FMN2: variants seen among roughly 807,000 people sequenced by gnomAD.
FMN2 encodes the protein formin 2, also known as formin-2.
Under a neutral mutation model 142.3 loss-of-function variants are expected in FMN2, and 51 were observed. The observed-to-expected ratio is 0.36, with a 90% CI of 0.29 to 0.45. The LOEUF (loss-of-function observed/expected upper bound fraction) is 0.45, where lower values mean the gene tolerates loss of function less well. FMN2 is among the 20% of genes least tolerant of loss of function. The pLI, the probability that FMN2 is intolerant of heterozygous loss-of-function variation, is 1.00. For synonymous variants in FMN2, 882 were observed against 869.8 expected, an observed-to-expected ratio of 1.01 and a Z score of -0.25; for missense variants, 1,936 against 2,122.8, an observed-to-expected ratio of 0.91 and a Z score of 1.73.
Position 240,283,912 on chromosome 1 carries a change from G to A in FMN2, c.4154-10910G>A, listed in dbSNP as rs549304425. ...CATAGGAAACTGATCCGGTCAGTGAGATGTAAGTAGAAGTCTCCTAAAAAT... is the reference window on the plus strand; with the variant it reads ...CATAGGAAACTGATCCGGTCAGTGAAATGTAAGTAGAAGTCTCCTAAAAAT... On this transcript the variant is annotated intron_variant, in intron 7 of 17. Transcript: ENST00000319653. 1.9e-4 allele frequency among the ~76,000 whole-genome samples: 29 copies of A among 152,300 alleles called. 1 individual carries two copies. The South Asian group carries it at 5.8e-3, about 30-fold the overall frequency.
chr1:240,101,069 A>T (rs535050620), intron 1 of FMN2, among the ~76,000 whole-genome samples: 16 of 152,178 alleles, frequency 1.1e-4, no homozygotes, highest in Non-Finnish European at 1.8e-4. Flanking sequence ...TAGTGTCAGC[A>T]CTATGGGAAG....
chr1:240,447,820 C>T (rs1008652227), intron 16 of FMN2, among the ~76,000 whole-genome samples: 1 of 152,110 alleles, frequency 6.6e-6, no homozygotes, highest in Non-Finnish European at 1.5e-5. Flanking sequence ...TACGCATCTA[C>T]TCAAAAAAAG....
At chr1:240,275,123 A>G (rs6694611) in intron 7 of FMN2, among the ~76,000 whole-genome samples, 60,470 of 146,326 alleles carry the variant, frequency 0.41, 12,902 homozygotes, top group East Asian at 0.6. Context: ...AAGTTCTGGG[A>G]TACATGTGCA....
At chr1:240,364,802 C>T (rs1165926215) in intron 14 of FMN2, among the ~76,000 whole-genome samples, 1 of 152,122 alleles carries the variant, frequency 6.6e-6, no homozygotes, top group Non-Finnish European at 1.5e-5. Context: ...GTCGCAGACT[C>T]CCAATAAACA....
In FMN2 at chr1:240,409,811, A is replaced by G. The variant is rs573632335; in HGVS notation, c.4910+17249A>G. Among the ~76,000 whole-genome samples the G allele has an allele frequency of 5.2e-4, 79 of 152,332 alleles. No individual in the cohort carries two copies. In the South Asian group the frequency reaches 0.014, roughly 27 times the overall value. On this transcript the variant is annotated intron_variant, in intron 15 of 17. Coordinates refer to ENST00000319653, the MANE Select transcript of FMN2 (RefSeq NM_020066.5). ...TTGTCTTTATTGGTTTACTAAATCT[A>G]TAGTCAGCAAATATTACATGGAATC...
intron 16 of FMN2, among the ~76,000 whole-genome samples, chr1:240,442,976 A>G (rs1203936545): frequency 2.6e-5 from 4 of 152,254 alleles, no homozygotes; most frequent in Non-Finnish European, 5.9e-5. Flanking sequence ...ACTAAATGAC[A>G]TAACGTATTT....
Position 240,208,400 on chromosome 1 carries a change from T to C in FMN2, c.3588T>C (p.Pro1196=), listed in dbSNP as rs140228578. ...CCCCTCTACCTGGAGTGGGAATACC[T>C]CCTCCGCCCCCTCTACCTGGTGCTG... ...PPPPLPGVGI[P]PPPPLPGAGI... The change falls in exon 5 of 18, where the codon CCT becomes CCC. Residue 1196 remains proline, a synonymous_variant. Transcript: ENST00000319653. 8.1e-5 allele frequency: 124 copies of C among 1,534,786 alleles called. No individual in the cohort carries two copies. The highest frequency in any genetic ancestry group is 1.4e-4 in the African/African-American group (9 of 62,310).
intron 6 of FMN2, among the ~76,000 whole-genome samples, chr1:240,246,483 T>C (rs116699884): frequency 1.9e-3 from 293 of 152,286 alleles, no homozygotes; most frequent in African/African-American, 6.8e-3. Flanking sequence ...TTTAATCATT[T>C]TTCTAGGGGA....
chr1:240,191,595 GC>G (rs1665703238), intron 4 of FMN2, among the ~76,000 whole-genome samples: 1 of 152,108 alleles, frequency 6.6e-6, no homozygotes, highest in Admixed American at 6.5e-5. Flanking sequence ...TAAAATCTTT[GC>G]CATTTGAAAT....
At chr1:240,398,637 C>T (rs1253883882) in intron 15 of FMN2, among the ~76,000 whole-genome samples, 2 of 152,168 alleles carry the variant, frequency 1.3e-5, no homozygotes, top group African/African-American at 4.8e-5. Flanking sequence ...TCTCAGCAGT[C>T]CTATGTAACC....
chr1:240,323,538 G>A (rs1289211202), intron 8 of FMN2, among the ~76,000 whole-genome samples: 1 of 152,080 alleles, frequency 6.6e-6, no homozygotes, highest in African/African-American at 2.4e-5. Flanking sequence ...TCTTCAACCT[G>A]ACCTTCCTTA....
chr1:240,243,140 A>C (rs372583822), intron 6 of FMN2, among the ~76,000 whole-genome samples: 6 of 152,184 alleles, frequency 3.9e-5, no homozygotes, highest in East Asian at 3.9e-4. Flanking sequence ...GAAAAAAAAA[A>C]CCAAAAAACA....
chr1:240,253,787 G>A (rs1668359015), intron 6 of FMN2, among the ~76,000 whole-genome samples: 1 of 152,118 alleles, frequency 6.6e-6, no homozygotes, highest in Non-Finnish European at 1.5e-5. Context: ...CTGTGGTGTT[G>A]GTTTGATGTA....
rs185977357 is a variant in FMN2 at position 240,186,431 on chromosome 1, G to A, written c.1931-1776G>A. On this transcript the variant is annotated intron_variant, in intron 3 of 17. Transcript: ENST00000319653. ...AAATTCTTGCTTTCACAGAGTTTAT[G>A]TTCTAGTGGAATAAGAGGTATAAAT... Among the ~76,000 whole-genome samples the A allele has an allele frequency of 3.7e-3, 570 of 152,316 alleles. 4 individuals are homozygous for A. Among genetic ancestry groups the A allele is most frequent in the African/African-American group, 0.013 (537 of 41,560 alleles).
intron 8 of FMN2, among the ~76,000 whole-genome samples, chr1:240,303,132 G>C (rs1049437434): frequency 6.6e-6 from 1 of 152,018 alleles, no homozygotes; most frequent in East Asian, 1.9e-4. Flanking sequence ...CTGAGGCTGC[G>C]CTCTCCTGCC....
chr1:240,392,692 G>A (rs1392650991), intron 15 of FMN2, 130 bp downstream of exon 15: 1 of 684,736 alleles, frequency 1.5e-6, no homozygotes, highest in African/African-American at 1.8e-5. Flanking sequence ...ATAAAATGGT[G>A]TGCTCTAAAT....
At position 240,347,879 on chromosome 1, in the gene FMN2, G is replaced by A. The variant is rs1008548749; in HGVS notation, c.4766-7937G>A. ...GTTGCAAAGGACATGATTTTGTTCTGTTTCATGGCTGCATAGTATTCCATG... is the reference window on the plus strand; with the variant it reads ...GTTGCAAAGGACATGATTTTGTTCTATTTCATGGCTGCATAGTATTCCATG... On this transcript the variant is annotated intron_variant, in intron 13 of 17. Coordinates refer to ENST00000319653, the MANE Select transcript of FMN2 (RefSeq NM_020066.5). 2.0e-5 allele frequency among the ~76,000 whole-genome samples: 3 copies of A among 152,072 alleles called. 1 individual carries two copies. Among genetic ancestry groups the A allele is most frequent in the Non-Finnish European group, 4.4e-5 (3 of 68,010 alleles).
At chr1:240,372,668 G>C (rs1375347641) in intron 14 of FMN2, among the ~76,000 whole-genome samples, 2 of 139,888 alleles carry the variant, frequency 1.4e-5, no homozygotes, top group East Asian at 2.1e-4. Context: ...AGGCTGTTTT[G>C]AAAGCTTGTA....
At chr1:240,252,641 G>A (rs141978505) in intron 6 of FMN2, among the ~76,000 whole-genome samples, 4 of 151,156 alleles carry the variant, frequency 2.6e-5, no homozygotes, top group East Asian at 3.9e-4. Context: ...CTGACGGGGG[G>A]GGTGGTTCTC....
Sources: gnomAD v4.1 joint callset for allele counts (sites outside exome capture counted in the v4.1 genomes callset) on GRCh38, gnomAD v4.1.1 for gene constraint, MANE v1.5 for transcripts, NCBI Gene and HGNC (gene_info 2026-07-23, HGNC 2026-07-21) for gene names.